TRAPPC9: variants seen among roughly 807,000 people sequenced by gnomAD.
TRAPPC9 encodes IKK2 binding protein.
In TRAPPC9, 83 loss-of-function variants were observed where a neutral mutation model predicts 124.0. The observed-to-expected ratio is 0.67, with a 90% CI of 0.56 to 0.80. TRAPPC9 has a LOEUF of 0.80. Ranked by LOEUF, TRAPPC9 falls within the 30% of genes least tolerant of loss-of-function variation. The pLI, the probability that TRAPPC9 is intolerant of heterozygous loss-of-function variation, is 0.00. For missense variants in TRAPPC9, 1,302 were observed against 1,508.3 expected (o/e 0.86, Z 2.27); for synonymous variants, 638 against 617.5 (o/e 1.03, Z -0.49).
Position 140,444,035 on chromosome 8 carries a change from C to CAAA in TRAPPC9, c.585-4841_585-4839dup, listed in dbSNP as rs35121401. ...TGGGCGACAGAGCTAGACTCCATCT[C>CAAA]AAAAAAAAAAAAAAAAAAAAAAAAA... On this transcript the variant is annotated intron_variant, in intron 2 of 22. Transcript: ENST00000438773. Among the ~76,000 whole-genome samples, 76 of 40,918 alleles carry CAAA rather than the reference C, an allele frequency of 1.9e-3. 2 individuals carry two copies. Among genetic ancestry groups the CAAA allele is most frequent in the African/African-American group, 2.6e-3 (24 of 9,182 alleles). 26.8% of individuals were successfully genotyped at this position (40,918 alleles called of 152,430 possible).
chr8:139,967,858 G>C (rs116443492), intron 19 of TRAPPC9, among the ~76,000 whole-genome samples: 1,692 of 152,276 alleles, frequency 0.011, 33 homozygotes, highest in African/African-American at 0.038. Flanking sequence ...CACAATGGTG[G>C]CCGGGCGCGG....
At chr8:139,780,104 T>C (rs891582485) in intron 21 of TRAPPC9, among the ~76,000 whole-genome samples, 6 of 152,158 alleles carry the variant, frequency 3.9e-5, no homozygotes, top group Non-Finnish European at 8.8e-5. Context: ...AAGTTGATTA[T>C]CTATAGATTT....
At chr8:140,317,310 T>G (rs760141620) in intron 9 of TRAPPC9, among the ~76,000 whole-genome samples, 1 of 152,234 alleles carries the variant, frequency 6.6e-6, no homozygotes, top group African/African-American at 2.4e-5. Flanking sequence ...ACTGTTTATT[T>G]GAAAGCTTTC....
At chr8:139,888,621 G>C (rs11781800) in intron 20 of TRAPPC9, among the ~76,000 whole-genome samples, 6 of 152,038 alleles carry the variant, frequency 3.9e-5, no homozygotes, top group Admixed American at 3.9e-4. Flanking sequence ...TCTTACTCTC[G>C]CGCAAGCAAT....
rs1009465734 is a variant in TRAPPC9, at chr8:140,091,531, G to A, written c.2557-67452C>T. On this transcript the variant is annotated intron_variant, in intron 17 of 22. Coordinates refer to ENST00000438773, the MANE Select transcript of TRAPPC9 (RefSeq NM_001160372.4). ...AAAATGTCTCTACTTCCTAGGCACC[G>A]CAATGTTACTACCAAGGGTATTTCC... 4.6e-5 allele frequency among the ~76,000 whole-genome samples: 7 copies of A among 152,136 alleles called. No individual in the cohort carries two copies. The South Asian group carries it at 6.2e-4, about 13-fold the overall frequency.
chr8:140,181,955 G>A (rs1472443321), intron 17 of TRAPPC9, among the ~76,000 whole-genome samples: 2 of 152,148 alleles, frequency 1.3e-5, no homozygotes, highest in Non-Finnish European at 2.9e-5. Context: ...ATCCTCAGGT[G>A]CTAGGCCATG....
chr8:140,228,276 T>A (rs1271907154), intron 16 of TRAPPC9, among the ~76,000 whole-genome samples: 1 of 152,234 alleles, frequency 6.6e-6, no homozygotes, highest in African/African-American at 2.4e-5. Context: ...GGGTATGCTG[T>A]TCCAGGTAGA....
chr8:140,209,675 C>G (rs1421169385), intron 17 of TRAPPC9, among the ~76,000 whole-genome samples: 1 of 152,180 alleles, frequency 6.6e-6, no homozygotes, highest in Non-Finnish European at 1.5e-5. Context: ...CTTTTCTTAT[C>G]TACCAAGGCT....
In TRAPPC9 at chr8:139,777,479, G is replaced by A. The variant is rs1821470204; in HGVS notation, c.3056-45277C>T. ...ATGCTTTGTAGGGCATTGTAGAGGC[G>A]AGGCCTTGTAGAGGCGAGGTCAACA... On this transcript the variant is annotated intron_variant, in intron 21 of 22. Coordinates refer to ENST00000438773, the MANE Select transcript of TRAPPC9 (RefSeq NM_001160372.4). 2.6e-5 allele frequency among the ~76,000 whole-genome samples: 4 copies of A among 152,250 alleles called. No individual in the cohort carries two copies. In the South Asian group the frequency reaches 8.3e-4, roughly 32 times the overall value.
chr8:140,010,317 C>T (rs1015352772), intron 18 of TRAPPC9, among the ~76,000 whole-genome samples: 1 of 152,096 alleles, frequency 6.6e-6, no homozygotes, highest in Non-Finnish European at 1.5e-5. Flanking sequence ...TCAAGGAGAA[C>T]ACATGTCTAA....
At chr8:139,823,848 G>A (rs147121940) in intron 21 of TRAPPC9, among the ~76,000 whole-genome samples, 11 of 152,288 alleles carry the variant, frequency 7.2e-5, no homozygotes, top group South Asian at 2.1e-4. Context: ...GGGGTCTCGC[G>A]GCCACATGAT....
At chr8:139,926,877 A>T (rs1241206060) in intron 19 of TRAPPC9, among the ~76,000 whole-genome samples, 1 of 151,994 alleles carries the variant, frequency 6.6e-6, no homozygotes, top group Non-Finnish European at 1.5e-5. Flanking sequence ...TTCAAAAGCA[A>T]ATCAAGACTG....
chr8:140,214,688 G>A (rs965479384), intron 17 of TRAPPC9, among the ~76,000 whole-genome samples: 3 of 152,110 alleles, frequency 2.0e-5, no homozygotes, highest in Non-Finnish European at 4.4e-5. Context: ...CATAAATATT[G>A]TTTCTAAGAT....
At chr8:140,328,663 A>G (rs2066805530) in intron 9 of TRAPPC9, among the ~76,000 whole-genome samples, 3 of 152,078 alleles carry the variant, frequency 2.0e-5, no homozygotes, top group Non-Finnish European at 4.4e-5. Context: ...AGAAATCACC[A>G]CTAAAGAACT....
chr8:139,926,865 T>TATTC (rs1481986656), intron 19 of TRAPPC9, among the ~76,000 whole-genome samples: 1 of 152,040 alleles, frequency 6.6e-6, no homozygotes, highest in Non-Finnish European at 1.5e-5. Flanking sequence ...AAACTTTTGA[T>TATTC]ATTCAAAAGC....
intron 16 of TRAPPC9, among the ~76,000 whole-genome samples, chr8:140,230,897 C>G (rs1375102713): frequency 6.6e-6 from 1 of 152,190 alleles, no homozygotes; most frequent in Non-Finnish European, 1.5e-5. Flanking sequence ...CTGCGGAAAT[C>G]ATCAAGAGAA....
chr8:139,785,036 C>T (rs1350512496), intron 21 of TRAPPC9, among the ~76,000 whole-genome samples: 1 of 152,166 alleles, frequency 6.6e-6, no homozygotes, highest in Admixed American at 6.5e-5. Flanking sequence ...TTTCGCACAA[C>T]AGCAATAATT....
chr8:140,380,392 G>A (rs58051980), intron 7 of TRAPPC9, among the ~76,000 whole-genome samples: 4,916 of 152,180 alleles, frequency 0.032, 258 homozygotes, highest in African/African-American at 0.11. Flanking sequence ...GGCGGCTCAC[G>A]GCTGTAATCC....
intron 19 of TRAPPC9, among the ~76,000 whole-genome samples, chr8:139,947,250 C>G (rs556181610): frequency 6.6e-6 from 1 of 152,136 alleles, no homozygotes; most frequent in Non-Finnish European, 1.5e-5. Context: ...ACTTCAGATG[C>G]GAGTGAGGGA....
Sources: allele counts gnomAD v4.1 joint callset (sites outside exome capture counted in the v4.1 genomes callset), GRCh38; gene constraint gnomAD v4.1.1; transcripts MANE v1.5; gene names NCBI Gene and HGNC (gene_info 2026-07-23, HGNC 2026-07-21).